The following DCAF6 variants were observed in gnomAD, a reference collection of about 807,000 sequenced individuals.
DCAF6 encodes the protein DDB1 and CUL4 associated factor 6, also known as DDB1- and CUL4-associated factor 6.
A neutral mutation model predicts 125.1 loss-of-function variants in DCAF6; 54 were observed. The observed-to-expected ratio is 0.43, with a 90% CI of 0.35 to 0.54. The LOEUF is 0.54. Ranked by LOEUF, DCAF6 falls within the 20% of genes least tolerant of loss-of-function variation. The pLI, the probability that DCAF6 is intolerant of heterozygous loss-of-function variation, is 0.01. For synonymous variants in DCAF6, 371 were observed against 390.4 expected (o/e 0.95, Z 0.58); for missense variants, 934 against 1,161.7 (o/e 0.80, Z 2.85).
the DCAF6 span, among the ~76,000 whole-genome samples, chr1:167,918,768 T>A: frequency 1.3e-5 from 2 of 151,970 alleles, no homozygotes; most frequent in African/African-American, 2.4e-5. Context: ...TAATTTTTTG[T>A]ATTTTTAGTA....
chr1:168,009,513 T>TCCTACTTTCCTCCATC (rs1197924118), intron 10 of DCAF6, among the ~76,000 whole-genome samples: 1 of 147,820 alleles, frequency 6.8e-6, no homozygotes, highest in Non-Finnish European at 1.5e-5. Context: ...CTTCCTTCCT[T>TCCTACTTTCCTCCATC]CCTTCTTTCC....
chr1:168,029,038 TC>T (rs1686704382), intron 12 of DCAF6, among the ~76,000 whole-genome samples: 1 of 152,184 alleles, frequency 6.6e-6, no homozygotes, highest in Non-Finnish European at 1.5e-5. Context: ...ACTAATTTCT[TC>T]CTATCCCCAA....
At chr1:167,883,022 G>T in the DCAF6 span, among the ~76,000 whole-genome samples, 2 of 152,114 alleles carry the variant, frequency 1.3e-5, no homozygotes, top group Non-Finnish European at 2.9e-5. Context: ...ACAAAGACTG[G>T]CCTTCTAGGT....
At chr1:167,935,974 C>A, upstream of DCAF6, 2 of 697,828 alleles carry the variant, frequency 2.9e-6, no homozygotes, top group Non-Finnish European at 4.9e-6. Flanking sequence ...GTACCCTTCC[C>A]GCGGCTTTCC....
intron 17 of DCAF6, among the ~76,000 whole-genome samples, chr1:168,053,998 GC>G (rs1690279148): frequency 6.6e-6 from 1 of 152,006 alleles, no homozygotes; most frequent in African/African-American, 2.4e-5. Flanking sequence ...CCAGTTTCTT[GC>G]CCCCACAAAG....
intron 1 of DCAF6, among the ~76,000 whole-genome samples, chr1:167,941,192 A>C (rs1443219535): frequency 6.6e-6 from 1 of 152,140 alleles, no homozygotes; most frequent in Non-Finnish European, 1.5e-5. Context: ...ATTTCAGTGA[A>C]AGCTGAAAAA....
At chr1:168,022,874 T>G in intron 11 of DCAF6, 114 bp from the exon 12 acceptor site, 2 of 912,812 alleles carry the variant, frequency 2.2e-6, no homozygotes, top group Admixed American at 2.0e-5. Context: ...ACCACAGTAC[T>G]TACTTCTATT....
At chr1:168,066,772 C>A (rs905330412) in intron 20 of DCAF6, among the ~76,000 whole-genome samples, 6 of 152,106 alleles carry the variant, frequency 3.9e-5, no homozygotes, top group African/African-American at 9.7e-5. Context: ...ACAAAAAAAT[C>A]TGTCCTTTTA....
chr1:167,920,779 AC>A, the DCAF6 span: 6 of 830,750 alleles, frequency 7.2e-6, no homozygotes, highest in Non-Finnish European at 1.1e-5. Context: ...GTAGATTACA[AC>A]AAAAAAAAAG....
upstream of DCAF6, among the ~76,000 whole-genome samples, chr1:167,932,808 CAAAAA>C (rs965449372): frequency 1.5e-4 from 8 of 54,964 alleles, no homozygotes; most frequent in Non-Finnish European, 2.1e-4. Context: ...GACTCTGTCT[CAAAAA>C]AAAAAAAAAA....
chr1:167,925,826 C>T, the DCAF6 span, among the ~76,000 whole-genome samples: 20 of 152,044 alleles, frequency 1.3e-4, no homozygotes, highest in African/African-American at 4.8e-4. Context: ...GGATTACAGG[C>T]GTGAGCCACC....
At chr1:168,066,344 G>A (rs1692330625) in intron 19 of DCAF6, 33 bp from the exon 20 acceptor site, 3 of 1,411,422 alleles carry the variant, frequency 2.1e-6, no homozygotes, top group Non-Finnish European at 2.9e-6. Context: ...CATGTTTCTA[G>A]GCTTCATATT....
intron 1 of DCAF6, among the ~76,000 whole-genome samples, chr1:167,943,930 C>T (rs901379257): frequency 5.3e-5 from 8 of 150,358 alleles, no homozygotes; most frequent in African/African-American, 1.7e-4. Flanking sequence ...GTTCCGCCTC[C>T]GAGGTTCACG....
At chr1:168,062,924 T>C (rs1691787134) in intron 17 of DCAF6, among the ~76,000 whole-genome samples, 1 of 149,928 alleles carries the variant, frequency 6.7e-6, no homozygotes, top group Admixed American at 6.6e-5. Context: ...TTTTTTTTTT[T>C]TTTTTGAGAC....
chr1:167,924,623 C>G, the DCAF6 span: 1 of 970,980 alleles, frequency 1.0e-6, no homozygotes, highest in Non-Finnish European at 1.5e-6. Flanking sequence ...ATTTTAAAAA[C>G]CAAAGGATTT....
intron 4 of DCAF6, among the ~76,000 whole-genome samples, chr1:167,985,210 TG>T (rs1431459045): frequency 1.5e-4 from 19 of 123,832 alleles, no homozygotes; most frequent in South Asian, 2.4e-4. Context: ...TGTGTGTGTG[TG>T]GTGTGTGTGT....
chr1:167,961,823 A>C (rs1675650447), intron 2 of DCAF6, among the ~76,000 whole-genome samples: 2 of 152,210 alleles, frequency 1.3e-5, no homozygotes, highest in Admixed American at 1.3e-4. Context: ...CATGATGCTC[A>C]AAGTATTTTG....
chr1:167,868,528 G>A, the DCAF6 span, among the ~76,000 whole-genome samples: 2 of 152,104 alleles, frequency 1.3e-5, no homozygotes, highest in Admixed American at 6.5e-5. Flanking sequence ...GTTGCAGACC[G>A]TTTAAGCCCA....
chr1:167,927,980 A>G, the DCAF6 span, among the ~76,000 whole-genome samples: 13 of 152,328 alleles, frequency 8.5e-5, no homozygotes, highest in Non-Finnish European at 1.3e-4. Context: ...TTTCTGAGAT[A>G]CTAAAAGATG....
Sources: allele counts gnomAD v4.1 joint callset (sites outside exome capture counted in the v4.1 genomes callset), GRCh38; gene constraint gnomAD v4.1.1; transcripts MANE v1.5; gene names NCBI Gene and HGNC (gene_info 2026-07-23, HGNC 2026-07-21).